The following DKK4 variants were observed in gnomAD, a reference collection of about 807,000 sequenced individuals.
DKK4 encodes dickkopf Wnt signaling pathway inhibitor 4.
In DKK4, 15 loss-of-function variants were observed where a neutral mutation model predicts 14.5. That is an observed-to-expected ratio of 1.03 (90% CI 0.69 to 1.59). The LOEUF (loss-of-function observed/expected upper bound fraction) is 1.59, where lower values mean the gene tolerates loss of function less well. Among genes scored for constraint, DKK4 ranks in the 40% most tolerant of loss-of-function variants. DKK4 has a pLI of 0.00. For missense variants in DKK4, 272 were observed against 280.3 expected, an observed-to-expected ratio of 0.97 and a Z score of 0.21; for synonymous variants, 89 against 105.2, an observed-to-expected ratio of 0.85 and a Z score of 0.94.
In DKK4 at chr8:42,374,840, T is replaced by A. The variant is rs1234222239; in HGVS notation, c.336A>T (p.Ala112=). The change falls in exon 3 of 4, where the codon GCA becomes GCT. Residue 112 remains alanine (A), a synonymous_variant. Coordinates refer to ENST00000220812, the MANE Select transcript of DKK4 (RefSeq NM_014420.3). ...RQLDEQDGTH[A]EGTTGHPVQE... ...GGACTGGGTGCCCAGTTGTTCCTTC[T>A]GCATGTGTGCCATCTTGCTCATCAA... The A allele has an allele frequency of 6.8e-6, 11 of 1,614,122 alleles. No homozygotes were observed. The Admixed American group carries it at 8.3e-5, about 12-fold the overall frequency.
At chr8:42,386,942 C>A in the DKK4 span, among the ~76,000 whole-genome samples, 1 of 152,196 alleles carries the variant, frequency 6.6e-6, no homozygotes, top group Non-Finnish European at 1.5e-5. Flanking sequence ...TACTAAACTT[C>A]CAAGATTTTT....
chr8:42,381,651 CA>C (rs1162911052), upstream of DKK4, among the ~76,000 whole-genome samples: 1 of 152,170 alleles, frequency 6.6e-6, no homozygotes, highest in Non-Finnish European at 1.5e-5. Flanking sequence ...CAGCCTGTCA[CA>C]GCGCTTCTAA....
At chr8:42,384,528 C>T in the DKK4 span, among the ~76,000 whole-genome samples, 1 of 152,150 alleles carries the variant, frequency 6.6e-6, no homozygotes, top group Admixed American at 6.5e-5. Flanking sequence ...GTGTATCTGG[C>T]TCAGCGGGTG....
upstream of DKK4, among the ~76,000 whole-genome samples, chr8:42,379,420 GAGAGAGAA>G (rs1432807073): frequency 5.9e-4 from 71 of 120,968 alleles, no homozygotes; most frequent in Middle Eastern, 4.0e-3. Context: ...GAGAGAGAGA[GAGAGAGAA>G]AGATTCAGAC....
At chr8:42,378,525 T>C (rs1824602831), upstream of DKK4, among the ~76,000 whole-genome samples, 1 of 152,156 alleles carries the variant, frequency 6.6e-6, no homozygotes, top group African/African-American at 2.4e-5. Context: ...AACAACACCC[T>C]TTGATAGCAT....
Position 42,376,955 on chromosome 8 carries a change from C to T in DKK4, c.91G>A (p.Asp31Asn). 1.9e-6 allele frequency: 3 copies of T among 1,613,822 alleles called. No individual in the cohort carries two copies. The highest frequency in any genetic ancestry group is 2.7e-5 in the African/African-American group (2 of 75,030). ...LDFNNIRSSA[D>N]LHGARKGSQC... The stretch of plus-strand genomic sequence containing the variant: ...CTTACCTTCCGGGCCCCATGCAGGT[C>T]AGCAGAGCTCCTGATGTTGTTGAAG... The change falls in exon 1 of 4, where the codon GAC (aspartate) becomes AAC (asparagine). Residue 31 changes from aspartate (D) to asparagine (N), a missense_variant. Coordinates refer to ENST00000220812, the MANE Select transcript of DKK4 (RefSeq NM_014420.3).
At position 42,375,785 on chromosome 8, in the gene DKK4, AG is replaced by A; in HGVS notation, c.156del (p.Cys53AlafsTer34). ...GGCTTCTCATCGCGGGGCTGGAGGCAGAACTTTCTGGTATTGCAGTCCGTGT... is the reference window on the plus strand; with the variant it reads ...GGCTTCTCATCGCGGGGCTGGAGGCAAACTTTCTGGTATTGCAGTCCGTGT... Reference protein sequence around the residue: ...LSDTDCNTRKFCLQPRDEKPF... With the variant: ...LSDTDCNTRKXCLQPRDEKPF... On this transcript the variant is annotated frameshift_variant, in exon 2 of 4. Coordinates refer to ENST00000220812, the MANE Select transcript of DKK4 (RefSeq NM_014420.3). LOFTEE classifies it high-confidence loss of function. 1.2e-6 allele frequency: 2 copies of A among 1,614,208 alleles called. No homozygotes were observed. The highest frequency in any genetic ancestry group is 1.7e-6 in the Non-Finnish European group (2 of 1,180,036).
chr8:42,380,284 C>A (rs946438314), upstream of DKK4, among the ~76,000 whole-genome samples: 1 of 151,880 alleles, frequency 6.6e-6, no homozygotes, highest in Non-Finnish European at 1.5e-5. Context: ...ATGATCCTAT[C>A]CCTGCACTCA....
chr8:42,380,574 C>A (rs1585937882), upstream of DKK4, among the ~76,000 whole-genome samples: 10 of 112,516 alleles, frequency 8.9e-5, no homozygotes, highest in East Asian at 2.5e-4. Flanking sequence ...GAAAGGAAGA[C>A]AAACGAAAGG....
At chr8:42,377,259 T>C, upstream of DKK4, 1 of 542,826 alleles carries the variant, frequency 1.8e-6, no homozygotes, top group Non-Finnish European at 3.3e-6. Flanking sequence ...AAACTATTTA[T>C]AACCAGATGT....
the DKK4 span, among the ~76,000 whole-genome samples, chr8:42,383,470 A>G: frequency 1.3e-5 from 2 of 152,252 alleles, no homozygotes; most frequent in Non-Finnish European, 2.9e-5. Context: ...ACCATGTTCC[A>G]TGCACGTGGC....
At chr8:42,377,531 G>T (rs535091430), upstream of DKK4, among the ~76,000 whole-genome samples, 1 of 152,136 alleles carries the variant, frequency 6.6e-6, no homozygotes, top group Non-Finnish European at 1.5e-5. Context: ...TAATCCTTTG[G>T]GGGTAGGGAG....
chr8:42,385,993 A>G, the DKK4 span, among the ~76,000 whole-genome samples: 2 of 152,214 alleles, frequency 1.3e-5, no homozygotes, highest in Admixed American at 6.5e-5. Flanking sequence ...CAGTTCCAAA[A>G]TTAGCCATTA....
chr8:42,374,740 T>G, intron 3 of DKK4, 21 bp downstream of exon 3: 2 of 1,613,674 alleles, frequency 1.2e-6, no homozygotes, highest in South Asian at 2.2e-5. Context: ...AAATAAAATA[T>G]GCTGCGAATG....
Position 42,374,299 on chromosome 8 carries a change from C to T in DKK4, c.476G>A (p.Arg159His), listed in dbSNP as rs529642073. The T allele has an allele frequency of 1.4e-5, 23 of 1,612,098 alleles. No homozygotes were observed. Among genetic ancestry groups the T allele is most frequent in the Admixed American group, 1.2e-4 (7 of 59,896 alleles). Residue 159 changes from arginine (R) to histidine (H), a missense_variant, in exon 4 of 4, where the codon CGT (arginine) becomes CAT (histidine). Arg to His is a conservative substitution (Grantham distance 29, BLOSUM62 0). Coordinates refer to ENST00000220812, the MANE Select transcript of DKK4 (RefSeq NM_014420.3). Reference sequence around the variant, plus strand: ...CTTACAAATTTTCGTCCAAAAATGACGAGCACAGCAAAGTCCAGGGCCACA... The same window carrying T: ...CTTACAAATTTTCGTCCAAAAATGATGAGCACAGCAAAGTCCAGGGCCACA... ...FDCGPGLCCA[R>H]HFWTKICKPV...
intron 1 of DKK4, 109 bp downstream of exon 1, chr8:42,376,826 T>G (rs1423091729): frequency 3.4e-6 from 3 of 887,346 alleles, no homozygotes; most frequent in African/African-American, 1.7e-5. Flanking sequence ...TCAATTTACC[T>G]GCTAGGTAAG....
At chr8:42,383,828 C>T in the DKK4 span, among the ~76,000 whole-genome samples, 11,370 of 152,106 alleles carry the variant, frequency 0.075, 1,347 homozygotes, top group African/African-American at 0.25. Context: ...CTGTAATCCC[C>T]GCTACTCAGG....
chr8:42,376,912 GC>G (rs756378890), intron 1 of DKK4, 22 bp downstream of exon 1: 12 of 1,596,168 alleles, frequency 7.5e-6, no homozygotes, highest in South Asian at 1.1e-5. Flanking sequence ...CCCGTACCTC[GC>G]CCCCCTCCCT....
chr8:42,379,374 TATATAGAGAGAGAG>T (rs1474657777), upstream of DKK4, among the ~76,000 whole-genome samples: 115 of 48,320 alleles, frequency 2.4e-3, no homozygotes, highest in African/African-American at 5.4e-3. Flanking sequence ...TATATATATA[TATATAGAGAGAGAG>T]AGAGAGAGAG....
Sources: allele counts gnomAD v4.1 joint callset (sites outside exome capture counted in the v4.1 genomes callset), GRCh38; gene constraint gnomAD v4.1.1; transcripts MANE v1.5; gene names NCBI Gene and HGNC (gene_info 2026-07-23, HGNC 2026-07-21).